Variants in CTCF observed in about 807,000 individuals in gnomAD.
The protein encoded by CTCF is CCCTC-binding factor, also known as transcriptional repressor CTCF.
A neutral mutation model predicts 72.3 loss-of-function variants in CTCF; 7 were observed. The ratio of observed to expected loss-of-function variants is 0.10; its 90% confidence interval spans 0.06 to 0.18. The LOEUF is 0.18. CTCF is among the 10% of genes least tolerant of loss of function. CTCF has a pLI of 1.00. For synonymous variants in CTCF, 374 were observed against 315.8 expected (o/e 1.18, Z -1.95); for missense variants, 516 against 949.1 (o/e 0.54, Z 6.00).
intron 2 of CTCF, among the ~76,000 whole-genome samples, chr16:67,601,578 G>A (rs1055364215): frequency 4.0e-5 from 6 of 151,828 alleles, no homozygotes; most frequent in Non-Finnish European, 7.4e-5. Flanking sequence ...TCCTGACCTC[G>A]GGGATGCTCT....
intron 2 of CTCF, among the ~76,000 whole-genome samples, chr16:67,610,094 A>G (rs2052039338): frequency 6.6e-6 from 1 of 152,182 alleles, no homozygotes; most frequent in South Asian, 2.1e-4. Flanking sequence ...CAGGCTGAGA[A>G]CTACTGATCT....
rs2052454460 is a variant in CTCF, at chr16:67,637,983, C to G, written c.*111C>G. On this transcript the variant is annotated 3_prime_UTR_variant, in exon 12 of 12. Transcript: ENST00000264010. The stretch of plus-strand genomic sequence containing the variant: ...TGGCTTTGGGAAAAGCATCATTTTA[C>G]CAAACATACCGAGAACGAAAACTTC... 2 of 986,650 alleles carry G rather than the reference C, an allele frequency of 2.0e-6. No homozygotes were observed. The highest frequency in any genetic ancestry group is 5.8e-5 in the Admixed American group (2 of 34,464). The allele number at this position is 986,650 out of a possible 1,614,324, so 61.1% of individuals were successfully genotyped here.
In CTCF at chr16:67,637,971, A is replaced by G; in HGVS notation, c.*99A>G. The G allele has an allele frequency of 2.6e-6, 3 of 1,160,670 alleles. No homozygotes were observed. The highest frequency in any genetic ancestry group is 3.5e-5 in the South Asian group (2 of 57,274). The allele number at this position is 1,160,670 out of a possible 1,614,324, so 71.9% of individuals were successfully genotyped here. A position where few individuals can be genotyped will look rare whatever the true frequency, so the allele number is the denominator to read the frequency against. ...TCTTTCTTTTTTTGGCTTTGGGAAA[A>G]GCATCATTTTACCAAACATACCGAG... On this transcript the variant is annotated 3_prime_UTR_variant, in exon 12 of 12. Transcript: ENST00000264010.
intron 2 of CTCF, among the ~76,000 whole-genome samples, chr16:67,604,658 A>T (rs939756681): frequency 6.6e-6 from 1 of 151,710 alleles, no homozygotes; most frequent in Non-Finnish European, 1.5e-5. Context: ...TTTTAAATTG[A>T]TGAAACCTTG....
intron 2 of CTCF, among the ~76,000 whole-genome samples, chr16:67,603,477 G>A (rs2051925399): frequency 6.6e-6 from 1 of 151,584 alleles, no homozygotes; most frequent in Non-Finnish European, 1.5e-5. Flanking sequence ...AGCTTGCAGT[G>A]AGCCGAGATC....
In CTCF at chr16:67,637,810, G is replaced by A. The variant is rs1258847823; in HGVS notation, c.2122G>A (p.Ala708Thr). 6 of 1,612,762 alleles carry A rather than the reference G, an allele frequency of 3.7e-6. No individual in the cohort carries two copies. In the African/African-American group the frequency reaches 8.0e-5, roughly 22 times the overall value. Residue 708 changes from alanine (A) to threonine (T), a missense_variant, in exon 12 of 12, where the codon GCC (alanine) becomes ACC (threonine). By Grantham distance (58) the Ala-to-Thr change is moderately conservative (BLOSUM62 0). Transcript: ENST00000264010. Reference protein sequence around the residue: ...EGEEEEAQPAATDAPNGDLTP... With the variant: ...EGEEEEAQPATTDAPNGDLTP... ...AGAGGAAGAGGAGGCCCAGCCAGCT[G>A]CCACAGATGCCCCCAACGGAGACCT...
chr16:67,582,980 TTTC>T (rs2051608097), intron 2 of CTCF, among the ~76,000 whole-genome samples: 1 of 150,488 alleles, frequency 6.6e-6, no homozygotes, highest in Admixed American at 6.6e-5. Flanking sequence ...TTTTCTTATT[TTTC>T]TTTTTTTTTT....
At chr16:67,632,404 G>A (rs2052377532) in intron 10 of CTCF, among the ~76,000 whole-genome samples, 1 of 152,166 alleles carries the variant, frequency 6.6e-6, no homozygotes, top group Non-Finnish European at 1.5e-5. Flanking sequence ...CTGCTGGTTA[G>A]TAGAGCATGG....
chr16:67,633,328 G>A (rs760715128), intron 10 of CTCF, among the ~76,000 whole-genome samples: 12 of 152,168 alleles, frequency 7.9e-5, no homozygotes, highest in Non-Finnish European at 1.6e-4. Context: ...CAGCTGGTCA[G>A]ATGTCCCAGG....
intron 2 of CTCF, among the ~76,000 whole-genome samples, chr16:67,583,425 G>A (rs2051617906): frequency 6.6e-6 from 1 of 152,040 alleles, no homozygotes; most frequent in African/African-American, 2.4e-5. Context: ...GGTGGCTCAC[G>A]CCTGTAATCC....
intron 2 of CTCF, among the ~76,000 whole-genome samples, chr16:67,577,009 G>A (rs1312063208): frequency 1.3e-5 from 2 of 152,148 alleles, no homozygotes; most frequent in African/African-American, 2.4e-5. Flanking sequence ...CAGAATGTGT[G>A]TATAAAACCT....
At chr16:67,610,099 T>C (rs1056059034) in intron 2 of CTCF, among the ~76,000 whole-genome samples, 5 of 152,196 alleles carry the variant, frequency 3.3e-5, no homozygotes, top group Non-Finnish European at 7.3e-5. Flanking sequence ...TGAGAACTAC[T>C]GATCTACTGG....
rs553683383 is a variant in CTCF at position 67,633,260 on chromosome 16, G to T, written c.1838-3430G>T. Among the ~76,000 whole-genome samples the T allele has an allele frequency of 9.2e-5, 14 of 152,026 alleles. No individual in the cohort carries two copies. The South Asian group carries it at 2.1e-3, about 23-fold the overall frequency. ...GTTCCGTGAGTCCTGTTGATCCCCA[G>T]GTGTCACTATTAAATGGAGTGAGAA... On this transcript the variant is annotated intron_variant, in intron 10 of 11. Coordinates refer to ENST00000264010, the MANE Select transcript of CTCF (RefSeq NM_006565.4).
intron 11 of CTCF, 111 bp downstream of exon 11, chr16:67,636,962 A>G: frequency 9.8e-7 from 1 of 1,018,602 alleles, no homozygotes; most frequent in Non-Finnish European, 1.4e-6. Flanking sequence ...AGAACAAGTT[A>G]AGGGCATGTC....
intron 2 of CTCF, among the ~76,000 whole-genome samples, chr16:67,600,421 T>C (rs1287345729): frequency 3.9e-5 from 6 of 151,904 alleles, no homozygotes; most frequent in African/African-American, 1.4e-4. Context: ...GTAGAGATGG[T>C]GTTTCACCAT....
intron 2 of CTCF, among the ~76,000 whole-genome samples, chr16:67,590,022 C>T (rs1033767249): frequency 2.0e-5 from 3 of 151,812 alleles, no homozygotes; most frequent in East Asian, 1.9e-4. Flanking sequence ...AGGAGGCGGC[C>T]GTTGCAGTGA....
chr16:67,613,935 A>G (rs997972673), intron 4 of CTCF, among the ~76,000 whole-genome samples: 2 of 152,202 alleles, frequency 1.3e-5, no homozygotes, highest in African/African-American at 4.8e-5. Flanking sequence ...ATTCATACCA[A>G]CAAAACCCAT....
intron 2 of CTCF, among the ~76,000 whole-genome samples, chr16:67,575,874 C>T (rs1195549224): frequency 1.3e-5 from 2 of 151,086 alleles, no homozygotes; most frequent in South Asian, 2.1e-4. Flanking sequence ...ATCTGTTGAG[C>T]AGTAGAGAAG....
intron 2 of CTCF, among the ~76,000 whole-genome samples, chr16:67,603,387 G>A (rs528128541): frequency 2.6e-5 from 4 of 152,006 alleles, no homozygotes; most frequent in South Asian, 2.1e-4. Flanking sequence ...AACAAAATTA[G>A]CTGGGAGTGC....
Sources: allele counts gnomAD v4.1 joint callset (sites outside exome capture counted in the v4.1 genomes callset), GRCh38; gene constraint gnomAD v4.1.1; transcripts MANE v1.5; gene names NCBI Gene and HGNC (gene_info 2026-07-23, HGNC 2026-07-21).